TTLL11: variants seen among roughly 807,000 people sequenced by gnomAD.
TTLL11 encodes tubulin tyrosine ligase like 11.
TTLL11 carries 42 observed loss-of-function variants against 51.7 expected under a neutral mutation model. The observed-to-expected ratio is 0.81, with a 90% CI of 0.64 to 1.05. The LOEUF (loss-of-function observed/expected upper bound fraction) is 1.05, where lower values mean the gene tolerates loss of function less well. Ranked by LOEUF, TTLL11 falls within the 50% of genes least tolerant of loss-of-function variation. The pLI, the probability that TTLL11 is intolerant of heterozygous loss-of-function variation, is 0.00. For missense variants in TTLL11, 799 were observed against 940.4 expected, an observed-to-expected ratio of 0.85 and a Z score of 1.97; for synonymous variants, 381 against 383.5, an observed-to-expected ratio of 0.99 and a Z score of 0.08.
chr9:122,053,199 T>A lies in TTLL11; in HGVS notation c.463-13831A>T, dbSNP rs10985510. 3.9e-3 allele frequency among the ~76,000 whole-genome samples: 599 copies of A among 152,192 alleles called. 3 individuals are homozygous for A. Among genetic ancestry groups the A allele is most frequent in the Middle Eastern group, 6.8e-3 (2 of 294 alleles). On this transcript the variant is annotated intron_variant, in intron 1 of 8. Coordinates refer to ENST00000321582, the MANE Select transcript of TTLL11 (RefSeq NM_001139442.2). The stretch of plus-strand genomic sequence containing the variant: ...CCGGGTCGGGGTAGAGGCAGATGTG[T>A]GGGCAGATCTGCAAATGCACTCTGC...
intron 1 of TTLL11, among the ~76,000 whole-genome samples, chr9:122,067,013 A>G (rs899350926): frequency 6.6e-6 from 1 of 152,156 alleles, no homozygotes; most frequent in Non-Finnish European, 1.5e-5. Context: ...AATTACCTTC[A>G]CCTGGTCTCT....
chr9:121,976,383 A>T (rs1274792256), intron 4 of TTLL11, among the ~76,000 whole-genome samples: 1 of 152,200 alleles, frequency 6.6e-6, no homozygotes, highest in Non-Finnish European at 1.5e-5. Flanking sequence ...CATCCTTGAG[A>T]TCGCTGCCCC....
intron 6 of TTLL11, among the ~76,000 whole-genome samples, chr9:121,969,668 G>T (rs747304423): frequency 6.6e-6 from 1 of 152,168 alleles, no homozygotes; most frequent in Non-Finnish European, 1.5e-5. Flanking sequence ...GAAGGGAAAG[G>T]CTGGGATTCC....
intron 3 of TTLL11, among the ~76,000 whole-genome samples, chr9:122,018,643 G>A (rs1452719063): frequency 2.0e-5 from 3 of 152,218 alleles, no homozygotes; most frequent in African/African-American, 7.2e-5. Flanking sequence ...ATCCTGTAAG[G>A]AAGAGATGAT....
chr9:121,952,280 A>G (rs975207192), intron 6 of TTLL11, among the ~76,000 whole-genome samples: 8 of 152,030 alleles, frequency 5.3e-5, no homozygotes, highest in Non-Finnish European at 1.0e-4. Context: ...CCCAGTCTCT[A>G]CTAAAAAATA....
At chr9:121,842,146 T>C (rs1837372079) in intron 8 of TTLL11, among the ~76,000 whole-genome samples, 1 of 152,134 alleles carries the variant, frequency 6.6e-6, no homozygotes, top group Admixed American at 6.5e-5. Flanking sequence ...ATGTAGAAAG[T>C]CAATGGACAG....
At chr9:122,066,512 G>C (rs1845587509) in intron 1 of TTLL11, among the ~76,000 whole-genome samples, 1 of 152,150 alleles carries the variant, frequency 6.6e-6, no homozygotes, top group African/African-American at 2.4e-5. Flanking sequence ...TGTGAAGACA[G>C]GACTGGTCAC....
At chr9:122,053,492 T>C (rs1845216778) in intron 1 of TTLL11, among the ~76,000 whole-genome samples, 1 of 152,064 alleles carries the variant, frequency 6.6e-6, no homozygotes, top group African/African-American at 2.4e-5. Flanking sequence ...CAGGGCAAGC[T>C]GCGGAGCTGG....
In TTLL11 at chr9:122,069,932, C is replaced by T. The variant is rs992456627; in HGVS notation, c.462+22755G>A. Among the ~76,000 whole-genome samples, 34 of 152,118 alleles carry T rather than the reference C, an allele frequency of 2.2e-4. 2 individuals are homozygous for T. The highest frequency in any genetic ancestry group is 2.0e-3 in the Admixed American group (31 of 15,288). ...GCTGGCCCCACCTTATACATTCTCA[C>T]ATTCTCCTGGGTCACAATCCCTTCC... On this transcript the variant is annotated intron_variant, in intron 1 of 8. Coordinates refer to ENST00000321582, the MANE Select transcript of TTLL11 (RefSeq NM_001139442.2).
rs1041783898 is a variant in TTLL11, at chr9:122,047,525, C to T, written c.463-8157G>A. On this transcript the variant is annotated intron_variant, in intron 1 of 8. Transcript: ENST00000321582. The stretch of plus-strand genomic sequence containing the variant: ...GTGCTGGAGCATGCCCCCACCCCCT[C>T]TCCCCAGAAGAGAATGAACCCAGCG... Among the ~76,000 whole-genome samples the T allele has an allele frequency of 3.5e-4, 53 of 151,948 alleles. 1 individual carries two copies. Among genetic ancestry groups the T allele is most frequent in the Non-Finnish European group, 2.9e-4 (20 of 67,988 alleles).
At chr9:121,834,802 G>A (rs1000688859) in intron 8 of TTLL11, among the ~76,000 whole-genome samples, 2 of 151,236 alleles carry the variant, frequency 1.3e-5, no homozygotes, top group African/African-American at 4.9e-5. Context: ...ACTCCAGCCT[G>A]GGCGACAGAG....
intron 8 of TTLL11, among the ~76,000 whole-genome samples, chr9:121,848,212 A>G (rs10760197): frequency 0.54 from 79,240 of 145,998 alleles, 21,469 homozygotes; most frequent in East Asian, 0.74. Context: ...ATCGCTAAGG[A>G]AAAAAAAAGA....
intron 6 of TTLL11, among the ~76,000 whole-genome samples, chr9:121,905,207 AACTCTCATATG>A (rs1839901011): frequency 1.3e-5 from 2 of 152,202 alleles, no homozygotes; most frequent in Non-Finnish European, 2.9e-5. Context: ...AAGAGAACAA[AACTCTCATATG>A]TAATCTCACT....
At chr9:121,973,853 G>A (rs1842635071) in intron 6 of TTLL11, among the ~76,000 whole-genome samples, 156 bp downstream of exon 6, 1 of 152,134 alleles carries the variant, frequency 6.6e-6, no homozygotes, top group South Asian at 2.1e-4. Context: ...TTGCTTGGGG[G>A]CTGATATTTA....
chr9:121,902,711 G>C (rs1839817415), intron 6 of TTLL11, among the ~76,000 whole-genome samples: 1 of 152,030 alleles, frequency 6.6e-6, no homozygotes, highest in African/African-American at 2.4e-5. Flanking sequence ...GTTTTTAGTG[G>C]AGTCCAGATG....
rs1336507517 is a variant in TTLL11 at position 122,026,249 on chromosome 9, G to A, written c.693+5474C>T. ...AGGTCAGGAGTTGGAGACCAGCCTG[G>A]CCAACATGGTGAAACCCATCTGTAA... On this transcript the variant is annotated intron_variant, in intron 3 of 8. Coordinates refer to ENST00000321582, the MANE Select transcript of TTLL11 (RefSeq NM_001139442.2). Among the ~76,000 whole-genome samples, 3 of 151,902 alleles carry A rather than the reference G, an allele frequency of 2.0e-5. No individual in the cohort carries two copies. In the South Asian group the frequency reaches 6.2e-4, roughly 32 times the overall value.
intron 3 of TTLL11, among the ~76,000 whole-genome samples, chr9:121,992,146 C>T (rs967244707): frequency 1.3e-5 from 2 of 152,134 alleles, no homozygotes; most frequent in Non-Finnish European, 2.9e-5. Flanking sequence ...CCAGACTGCC[C>T]CAGTTTCAAA....
intron 8 of TTLL11, among the ~76,000 whole-genome samples, chr9:121,852,906 C>T (rs751517382): frequency 2.0e-4 from 30 of 152,220 alleles, no homozygotes; most frequent in Non-Finnish European, 4.3e-4. Context: ...TCGCACGAGG[C>T]GCTGCGTGAA....
intron 4 of TTLL11, among the ~76,000 whole-genome samples, chr9:121,981,216 C>T (rs1764967727): frequency 6.6e-6 from 1 of 151,882 alleles, no homozygotes; most frequent in Admixed American, 6.6e-5. Flanking sequence ...GATATTGGAC[C>T]ATAGTCCACT....
Sources: gnomAD v4.1 joint callset for allele counts (sites outside exome capture counted in the v4.1 genomes callset) on GRCh38, gnomAD v4.1.1 for gene constraint, MANE v1.5 for transcripts, NCBI Gene and HGNC (gene_info 2026-07-23, HGNC 2026-07-21) for gene names.